The following EYS variants were observed in gnomAD, a reference collection of about 807,000 sequenced individuals.
EYS encodes the protein protein eyes shut homolog.
EYS carries 250 observed loss-of-function variants against 282.1 expected under a neutral mutation model. That is an observed-to-expected ratio of 0.89 (90% CI 0.80 to 0.98). The LOEUF (loss-of-function observed/expected upper bound fraction) is 0.98, where lower values mean the gene tolerates loss of function less well. EYS is among the 50% of genes least tolerant of loss of function. EYS has a pLI of 0.00. For missense variants in EYS, 4,016 were observed against 3,709.0 expected, an observed-to-expected ratio of 1.08 and a Z score of -2.15; for synonymous variants, 1,355 against 1,282.9, an observed-to-expected ratio of 1.06 and a Z score of -1.20.
intron 12 of EYS, among the ~76,000 whole-genome samples, chr6:65,199,429 C>T (rs1765847044): frequency 6.6e-6 from 1 of 152,056 alleles, no homozygotes; most frequent in Non-Finnish European, 1.5e-5. Flanking sequence ...TTTGAGGCTT[C>T]TAATATTTCA....
chr6:64,125,154 G>GCGCGCGCGCGCGCTCTCTCTCTCTCTCTC (rs1773724746), intron 31 of EYS, among the ~76,000 whole-genome samples: 3 of 145,264 alleles, frequency 2.1e-5, no homozygotes, highest in Admixed American at 6.8e-5. Flanking sequence ...CACACTCTCT[G>GCGCGCGCGCGCGCTCTCTCTCTCTCTCTC]TCTCTCTCTC....
chr6:64,095,949 G>C (rs1206781000), intron 31 of EYS, among the ~76,000 whole-genome samples: 1 of 152,128 alleles, frequency 6.6e-6, no homozygotes, highest in African/African-American at 2.4e-5. Context: ...GAGCAGGCCT[G>C]GTGGTGACAA....
At chr6:63,856,555 T>A (rs1265633848) in intron 36 of EYS, among the ~76,000 whole-genome samples, 1 of 152,156 alleles carries the variant, frequency 6.6e-6, no homozygotes, top group East Asian at 1.9e-4. Context: ...CAATAACAGA[T>A]GTGTAGCTCC....
intron 40 of EYS, among the ~76,000 whole-genome samples, chr6:63,769,445 T>G (rs1004221001): frequency 6.6e-6 from 1 of 152,070 alleles, no homozygotes; most frequent in African/African-American, 2.4e-5. Flanking sequence ...TGAGGAATCA[T>G]TAACATTATA....
At chr6:64,910,477 A>G (rs1033938119) in intron 16 of EYS, among the ~76,000 whole-genome samples, 1 of 152,066 alleles carries the variant, frequency 6.6e-6, no homozygotes, top group Non-Finnish European at 1.5e-5. Context: ...GTTTAGAAAA[A>G]CATAGATGCA....
chr6:64,548,525 G>A (rs1764955321), intron 26 of EYS, among the ~76,000 whole-genome samples: 1 of 152,116 alleles, frequency 6.6e-6, no homozygotes, highest in Non-Finnish European at 1.5e-5. Context: ...CATGTGCTTC[G>A]TGGGGACATG....
chr6:64,565,912 C>A (rs1765553126), intron 26 of EYS, among the ~76,000 whole-genome samples: 3 of 149,038 alleles, frequency 2.0e-5, no homozygotes, highest in Admixed American at 1.3e-4. Flanking sequence ...TAAAATTATA[C>A]CTCAATAAAG....
At chr6:64,645,226 C>T (rs996639463) in intron 22 of EYS, among the ~76,000 whole-genome samples, 1 of 152,110 alleles carries the variant, frequency 6.6e-6, no homozygotes, top group Non-Finnish European at 1.5e-5. Context: ...CATCATTATC[C>T]GAGCAATGAA....
At chr6:64,359,930 GTATCA>G (rs1771950392) in intron 29 of EYS, among the ~76,000 whole-genome samples, 1 of 151,566 alleles carries the variant, frequency 6.6e-6, no homozygotes, top group Non-Finnish European at 1.5e-5. Flanking sequence ...TGTAAAGCAA[GTATCA>G]TCTCTTTTCC....
At chr6:65,607,272 A>T (rs1241606192) in intron 2 of EYS, among the ~76,000 whole-genome samples, 2 of 151,846 alleles carry the variant, frequency 1.3e-5, no homozygotes, top group East Asian at 3.9e-4. Context: ...ACTCTGCACA[A>T]AATTGGCAAG....
At chr6:65,143,751 A>G (rs1247023915) in intron 12 of EYS, among the ~76,000 whole-genome samples, 2 of 152,052 alleles carry the variant, frequency 1.3e-5, no homozygotes, top group Non-Finnish European at 2.9e-5. Context: ...CATCTACCAC[A>G]GTATTTCCTT....
chr6:65,146,460 C>T (rs1259653429), intron 12 of EYS, among the ~76,000 whole-genome samples: 1 of 151,910 alleles, frequency 6.6e-6, no homozygotes, highest in East Asian at 1.9e-4. Flanking sequence ...TCATGGTTTC[C>T]TGTTCTTCCT....
intron 41 of EYS, among the ~76,000 whole-genome samples, chr6:63,739,178 T>C (rs1047302720): frequency 6.6e-6 from 1 of 152,172 alleles, no homozygotes; most frequent in South Asian, 2.1e-4. Context: ...TTTGGCCAGC[T>C]AGAGCTCCTT....
At chr6:64,426,706 C>T (rs1484653803) in intron 28 of EYS, among the ~76,000 whole-genome samples, 2 of 151,954 alleles carry the variant, frequency 1.3e-5, no homozygotes, top group Non-Finnish European at 2.9e-5. Context: ...TCAAGTCCTC[C>T]CAGTAGCAAG....
intron 12 of EYS, among the ~76,000 whole-genome samples, chr6:65,198,202 T>C (rs1482307815): frequency 6.6e-6 from 1 of 152,114 alleles, no homozygotes; most frequent in African/African-American, 2.4e-5. Flanking sequence ...CACTGTCTTC[T>C]ACCGCCACAT....
chr6:64,955,175 A>T (rs1769653901), intron 14 of EYS, among the ~76,000 whole-genome samples: 1 of 150,950 alleles, frequency 6.6e-6, no homozygotes, highest in African/African-American at 2.4e-5. Flanking sequence ...ACAGAGTGAG[A>T]CTCTGTCTCA....
At chr6:64,311,452 C>A (rs773188241) in intron 29 of EYS, among the ~76,000 whole-genome samples, 39 of 152,252 alleles carry the variant, frequency 2.6e-4, no homozygotes, top group Non-Finnish European at 4.9e-4. Flanking sequence ...TATTATTAAT[C>A]CAGGACAAAT....
chr6:65,324,820 G>A (rs1016366377), intron 11 of EYS, among the ~76,000 whole-genome samples: 2 of 152,208 alleles, frequency 1.3e-5, no homozygotes, highest in African/African-American at 2.4e-5. Flanking sequence ...CTTTGGTCAT[G>A]AGAGTCAGGT....
chr6:64,454,577 T>G (rs1330629076), intron 26 of EYS, among the ~76,000 whole-genome samples: 2 of 152,076 alleles, frequency 1.3e-5, no homozygotes. Flanking sequence ...TCCCAATTGG[T>G]GGGTTCTGTA....
Sources: allele counts gnomAD v4.1 joint callset (sites outside exome capture counted in the v4.1 genomes callset), GRCh38; gene constraint gnomAD v4.1.1; transcripts MANE v1.5; gene names NCBI Gene and HGNC (gene_info 2026-07-23, HGNC 2026-07-21).